ADAT2: variants seen among roughly 807,000 people sequenced by gnomAD.
ADAT2 encodes the protein tRNA-specific adenosine-34 deaminase catalytic subunit ADAT2.
ADAT2 carries 26 observed loss-of-function variants against 25.9 expected under a neutral mutation model. The ratio of observed to expected loss-of-function variants is 1.00; its 90% CI spans 0.74 to 1.39. The LOEUF is 1.39. Ranked by LOEUF, ADAT2 falls within the 40% of genes most tolerant of loss-of-function variation. The probability of loss-of-function intolerance (pLI) is 0.00; values close to 1 mark genes in which losing one functional copy is unlikely to be tolerated. For missense variants in ADAT2, 220 were observed against 244.8 expected (o/e 0.90, Z 0.68); for synonymous variants, 76 against 86.8 (o/e 0.88, Z 0.69).
rs1326875254 is a variant in ADAT2 at position 143,436,933 on chromosome 6, T to C, written c.201+1657A>G. On this transcript the variant is annotated intron_variant, in intron 2 of 5. Transcript: ENST00000237283. The surrounding 1 kb of genome is among the most constrained non-coding windows in gnomAD (Gnocchi z 4.1). ...ACTTATTACAGGGTAAATTTAAAAC[T>C]GATTCATTAAAAAGTTGTCTTTTTC... Among the ~76,000 whole-genome samples, 1 of 152,176 alleles carries C rather than the reference T, an allele frequency of 6.6e-6. No homozygotes were observed. Among genetic ancestry groups the C allele is most frequent in the Non-Finnish European group, 1.5e-5 (1 of 68,012 alleles).
rs771611219 is a variant in ADAT2 at position 143,445,227 on chromosome 6, T to C, written c.96+5336A>G. ...CTCCCAACTATCACCCACCCTCCCATTGGCCAACCGAACCAACCTAACTTT... is the reference window on the plus strand; with the variant it reads ...CTCCCAACTATCACCCACCCTCCCACTGGCCAACCGAACCAACCTAACTTT... On this transcript the variant is annotated intron_variant, in intron 1 of 5. Transcript: ENST00000237283. 3.9e-5 allele frequency among the ~76,000 whole-genome samples: 6 copies of C among 151,944 alleles called. No individual in the cohort carries two copies. The South Asian group carries it at 6.3e-4, about 16-fold the overall frequency.
intron 4 of ADAT2, among the ~76,000 whole-genome samples, chr6:143,430,837 T>C (rs1315811875): frequency 6.6e-6 from 1 of 152,188 alleles, no homozygotes; most frequent in African/African-American, 2.4e-5. Flanking sequence ...AGTGCTGGGA[T>C]TACAGGCATG....
intron 4 of ADAT2, among the ~76,000 whole-genome samples, chr6:143,429,059 T>A (rs556552741): frequency 6.6e-6 from 1 of 152,336 alleles, no homozygotes; most frequent in South Asian, 2.1e-4. Flanking sequence ...ATAATACCTG[T>A]TAAATACCAG....
intron 1 of ADAT2, chr6:143,441,853 TC>T (rs1779466907): frequency 1.3e-5 from 2 of 152,178 alleles, no homozygotes; most frequent in South Asian, 4.1e-4. Context: ...CAATGAGGTA[TC>T]ACTACACACC....
chr6:143,438,983 C>T (rs1201543420), intron 1 of ADAT2, among the ~76,000 whole-genome samples: 2 of 152,142 alleles, frequency 1.3e-5, no homozygotes, highest in African/African-American at 4.8e-5. Flanking sequence ...GACCACTGTT[C>T]TTGAAGTGCC....
chr6:143,433,895 T>C lies in ADAT2; in HGVS notation c.288A>G (p.Glu96=), dbSNP rs775729777. 6 of 1,614,008 alleles carry C rather than the reference T, an allele frequency of 3.7e-6. No homozygotes were observed. The highest frequency in any genetic ancestry group is 5.1e-6 in the Non-Finnish European group (6 of 1,180,020). ...QSGKSPSEVF[E]HTVLYVTVEP... Reference sequence around the variant, plus strand: ...CCACAGTGACATACAACACAGTGTGTTCAAATACTTCAGAGGGACTCTTGC... The same window carrying C: ...CCACAGTGACATACAACACAGTGTGCTCAAATACTTCAGAGGGACTCTTGC... Residue 96 remains glutamate (E), a synonymous_variant, in exon 3 of 6, where the codon GAA becomes GAG. Coordinates refer to ENST00000237283, the MANE Select transcript of ADAT2 (RefSeq NM_182503.3).
chr6:143,436,940 T>C lies in ADAT2; in HGVS notation c.201+1650A>G, dbSNP rs1349912633. ...ACAGGGTAAATTTAAAACTGATTCA[T>C]TAAAAAGTTGTCTTTTTCAAGAATT... On this transcript the variant is annotated intron_variant, in intron 2 of 5. Coordinates refer to ENST00000237283, the MANE Select transcript of ADAT2 (RefSeq NM_182503.3). This position sits in a 1 kb window ranked among gnomAD's most constrained non-coding sequence, Gnocchi z 4.1. Among the ~76,000 whole-genome samples, 3 of 152,210 alleles carry C rather than the reference T, an allele frequency of 2.0e-5. No individual in the cohort carries two copies. Among genetic ancestry groups the C allele is most frequent in the Admixed American group, 1.3e-4 (2 of 15,284 alleles).
In ADAT2 at chr6:143,434,095, A is replaced by T. The variant is rs540925931; in HGVS notation, c.202-114T>A. On this transcript the variant is annotated intron_variant, in intron 2 of 5. Transcript: ENST00000237283. The surrounding 1 kb of genome is among the most constrained non-coding windows in gnomAD (Gnocchi z 4.5). ...GCCTATCCTTTCTGCCAATATTTTA[A>T]TGAATACAGTTTCAAGACACCCTTA... is the stretch of plus-strand genomic sequence containing the variant. 7.5e-7 allele frequency: 1 copy of T among 1,328,860 alleles called. No individual in the cohort carries two copies. The highest frequency in any genetic ancestry group is 1.5e-5 in the African/African-American group (1 of 68,716). 82.3% of individuals were successfully genotyped at this position (1,328,860 alleles called of 1,614,324 possible). A position where few individuals can be genotyped will look rare whatever the true frequency, so the allele number is the denominator to read the frequency against.
intron 1 of ADAT2, among the ~76,000 whole-genome samples, chr6:143,439,688 G>A (rs370110799): frequency 1.6e-4 from 25 of 152,304 alleles, no homozygotes; most frequent in African/African-American, 5.8e-4. Context: ...AGGAGGATGT[G>A]CAGATTGATT....
At chr6:143,438,980 G>A (rs1249655365) in intron 1 of ADAT2, among the ~76,000 whole-genome samples, 1 of 152,158 alleles carries the variant, frequency 6.6e-6, no homozygotes, top group East Asian at 1.9e-4. Context: ...ACTGACCACT[G>A]TTCTTGAAGT....
rs919332258 is a variant in ADAT2 at position 143,437,131 on chromosome 6, A to G, written c.201+1459T>C. Among the ~76,000 whole-genome samples, 18 of 152,206 alleles carry G rather than the reference A, an allele frequency of 1.2e-4. No individual in the cohort carries two copies. Among genetic ancestry groups the G allele is most frequent in the African/African-American group, 4.3e-4 (18 of 41,458 alleles). On this transcript the variant is annotated intron_variant, in intron 2 of 5. Transcript: ENST00000237283. This position sits in a 1 kb window ranked among gnomAD's most constrained non-coding sequence, Gnocchi z 4.1. Reference sequence around the variant, plus strand: ...TTTTCTATGCAGTGAACATGGTTATATATAAATCTGAATTGTCCAACTACT... The same window carrying G: ...TTTTCTATGCAGTGAACATGGTTATGTATAAATCTGAATTGTCCAACTACT...
In ADAT2 at chr6:143,427,115, A is replaced by ACACACACACACG. The variant is rs1778956924; in HGVS notation, c.*1347_*1348insCGTGTGTGTGTG. ...CAGTTAAACACACACACACACACACACACACACACACACACACACAAAACC... is the reference window on the plus strand; with the variant it reads ...CAGTTAAACACACACACACACACACACACACACACACGCACACACACACACACACACAAAACC... On this transcript the variant is annotated 3_prime_UTR_variant, in exon 6 of 6. Transcript: ENST00000237283. The ACACACACACACG allele has an allele frequency of 6.6e-6, 1 of 152,284 alleles. No homozygotes were observed. The highest frequency in any genetic ancestry group is 1.9e-4 in the East Asian group (1 of 5,186). 9.4% of individuals were successfully genotyped at this position (152,284 alleles called of 1,614,324 possible).
Position 143,428,745 on chromosome 6 carries a change from T to G in ADAT2, c.460-61A>C. ...CTATGAAAATGTGTGCTGTATCCCA[T>G]AAAAACAACATATATATACATGATT... On this transcript the variant is annotated intron_variant, in intron 4 of 5. Coordinates refer to ENST00000237283, the MANE Select transcript of ADAT2 (RefSeq NM_182503.3). The surrounding 1 kb of genome is among the most constrained non-coding windows in gnomAD (Gnocchi z 5.0). 6.8e-7 allele frequency: 1 copy of G among 1,460,846 alleles called. No homozygotes were observed. Among genetic ancestry groups the G allele is most frequent in the South Asian group, 1.2e-5 (1 of 84,146 alleles). The allele number at this position is 1,460,846 out of a possible 1,614,324, so 90.5% of individuals were successfully genotyped here. A position where few individuals can be genotyped will look rare whatever the true frequency, so the allele number is the denominator to read the frequency against.
rs1227801543 is a variant in ADAT2, at chr6:143,444,551, T to C, written c.97-5857A>G. On this transcript the variant is annotated intron_variant, in intron 1 of 5. Transcript: ENST00000237283. The surrounding 1 kb of genome is among the most constrained non-coding windows in gnomAD (Gnocchi z 4.3). ...TCAAGTCTGATCACTTCTTCACAAA[T>C]GCAAAAAAGCTCAGGCAAAATGGGT... The C allele has an allele frequency of 6.5e-6, 1 of 154,636 alleles. No individual in the cohort carries two copies. Among genetic ancestry groups the C allele is most frequent in the Non-Finnish European group, 1.4e-5 (1 of 69,792 alleles). The allele number at this position is 154,636 out of a possible 1,614,324, so 9.6% of individuals were successfully genotyped here. A position where few individuals can be genotyped will look rare whatever the true frequency, so the allele number is the denominator to read the frequency against.
chr6:143,431,055 T>TA (rs1779099808), intron 4 of ADAT2, among the ~76,000 whole-genome samples: 5 of 151,068 alleles, frequency 3.3e-5, no homozygotes, highest in Admixed American at 2.0e-4. Context: ...CCCAGACGAA[T>TA]TAAAAAAAAA....
Position 143,428,207 on chromosome 6 carries a change from TCTAAAAC to T in ADAT2, c.*249_*255del. 1 of 531,328 alleles carries T rather than the reference TCTAAAAC, an allele frequency of 1.9e-6. No homozygotes were observed. Among genetic ancestry groups the T allele is most frequent in the Non-Finnish European group, 3.3e-6 (1 of 300,448 alleles). The allele number at this position is 531,328 out of a possible 1,614,324, so 32.9% of individuals were successfully genotyped here. A position where few individuals can be genotyped will look rare whatever the true frequency, so the allele number is the denominator to read the frequency against. ...GAAGGGTATGCACTACTTGCTAATT[TCTAAAAC>T]CTCAAACCTTAATTTTCCCCCATCT... is the stretch of plus-strand genomic sequence containing the variant. On this transcript the variant is annotated 3_prime_UTR_variant, in exon 6 of 6. Coordinates refer to ENST00000237283, the MANE Select transcript of ADAT2 (RefSeq NM_182503.3). This position sits in a 1 kb window ranked among gnomAD's most constrained non-coding sequence, Gnocchi z 5.0.
At chr6:143,430,820 C>T (rs1381122453) in intron 4 of ADAT2, among the ~76,000 whole-genome samples, 2 of 152,174 alleles carry the variant, frequency 1.3e-5, no homozygotes, top group East Asian at 1.9e-4. Flanking sequence ...CCGCCTTGGC[C>T]TCCCAAAGTG....
rs1329002411 is a variant in ADAT2, at chr6:143,426,404, T to G, written c.*2059A>C. On this transcript the variant is annotated 3_prime_UTR_variant, in exon 6 of 6. Transcript: ENST00000237283. This position sits in a 1 kb window ranked among gnomAD's most constrained non-coding sequence, Gnocchi z 4.1. The stretch of plus-strand genomic sequence containing the variant: ...ATCTGCAGTATGCCATATTAATGAT[T>G]TTCTCCCAAAGCGATGGAGGGAACT... 1 of 152,192 alleles carries G rather than the reference T, an allele frequency of 6.6e-6. No homozygotes were observed. Among genetic ancestry groups the G allele is most frequent in the Non-Finnish European group, 1.5e-5 (1 of 68,038 alleles). The allele number at this position is 152,192 out of a possible 1,614,324, so 9.4% of individuals were successfully genotyped here.
chr6:143,445,121 T>C (rs1339436072), intron 1 of ADAT2, among the ~76,000 whole-genome samples: 8 of 151,536 alleles, frequency 5.3e-5, no homozygotes, highest in Admixed American at 3.3e-4. Flanking sequence ...GAAACAGTTA[T>C]ATAGTTTAAC....
Sources: allele counts gnomAD v4.1 joint callset (sites outside exome capture counted in the v4.1 genomes callset), GRCh38; gene constraint gnomAD v4.1.1; non-coding constraint Gnocchi (gnomAD v3.1); transcripts MANE v1.5; gene names NCBI Gene and HGNC (gene_info 2026-07-23, HGNC 2026-07-21).